The following PPP2R2C variants were observed in gnomAD, a reference collection of about 807,000 sequenced individuals.
PPP2R2C encodes the protein protein phosphatase 2 regulatory subunit Bgamma, also known as protein phosphatase 2, regulatory subunit B, gamma.
In PPP2R2C, 10 loss-of-function variants were observed where a neutral mutation model predicts 45.3. That is an observed-to-expected ratio of 0.22 (90% CI 0.14 to 0.37). PPP2R2C has a LOEUF of 0.37. PPP2R2C is among the 10% of genes least tolerant of loss of function. The probability of loss-of-function intolerance (pLI) is 1.00; values close to 1 mark genes in which losing one functional copy is unlikely to be tolerated. For synonymous variants in PPP2R2C, 257 were observed against 245.4 expected, an observed-to-expected ratio of 1.05 and a Z score of -0.44; for missense variants, 308 against 619.7, an observed-to-expected ratio of 0.50 and a Z score of 5.34.
chr4:6,525,711 G>C (rs1286628281), intron 2 of PPP2R2C, among the ~76,000 whole-genome samples: 2 of 151,968 alleles, frequency 1.3e-5, no homozygotes, highest in Non-Finnish European at 2.9e-5. Context: ...GTCCTTTTTG[G>C]GGGGATGGGG....
chr4:6,382,279 C>A (rs943697590), intron 1 of PPP2R2C: 19 of 1,252,268 alleles, frequency 1.5e-5, no homozygotes, highest in Non-Finnish European at 2.0e-5. Context: ...TCGTTCTTTG[C>A]TCTCCTGGCC....
At chr4:6,394,466 G>A (rs1716880287) in intron 1 of PPP2R2C, among the ~76,000 whole-genome samples, 1 of 152,242 alleles carries the variant, frequency 6.6e-6, no homozygotes, top group Non-Finnish European at 1.5e-5. Context: ...GACAGAGAGA[G>A]GAAAAGGGTT....
At chr4:6,337,638 C>G (rs938747791) in intron 6 of PPP2R2C, among the ~76,000 whole-genome samples, 15 of 152,298 alleles carry the variant, frequency 9.8e-5, no homozygotes, top group Non-Finnish European at 2.1e-4. Context: ...CGGGTGGATT[C>G]AGCCAGAATC....
chr4:6,404,075 G>A (rs1717627632), intron 1 of PPP2R2C, among the ~76,000 whole-genome samples: 1 of 152,224 alleles, frequency 6.6e-6, no homozygotes, highest in Admixed American at 6.5e-5. Flanking sequence ...TCATGCTGAG[G>A]TGCTCAGCAT....
At chr4:6,489,582 T>TACTTCTTCA (rs1334824289) in intron 2 of PPP2R2C, among the ~76,000 whole-genome samples, 5 of 152,216 alleles carry the variant, frequency 3.3e-5, no homozygotes, top group African/African-American at 4.8e-5. Context: ...TCTTTGAAAA[T>TACTTCTTCA]ACTTCTTCAA....
intron 5 of PPP2R2C, chr4:6,348,888 G>T: frequency 1.3e-6 from 1 of 753,078 alleles, no homozygotes; most frequent in Non-Finnish European, 1.6e-6. Flanking sequence ...TTTGTTTAGA[G>T]TCAAGAACTT....
chr4:6,339,566 C>G (rs1016042470), intron 6 of PPP2R2C, among the ~76,000 whole-genome samples: 3 of 152,240 alleles, frequency 2.0e-5, no homozygotes, highest in Non-Finnish European at 2.9e-5. Flanking sequence ...AGTGTGTGGA[C>G]GACACTCCTC....
intron 5 of PPP2R2C, among the ~76,000 whole-genome samples, chr4:6,357,631 C>T (rs1226588387): frequency 6.6e-6 from 1 of 152,098 alleles, no homozygotes; most frequent in African/African-American, 2.4e-5. Context: ...CACACAGGCC[C>T]AGGTTCAATG....
rs377346884 is a variant in PPP2R2C, at chr4:6,372,319, C to T, written c.625+204G>A. Among the ~76,000 whole-genome samples, 13 of 152,342 alleles carry T rather than the reference C, an allele frequency of 8.5e-5. 1 individual carries two copies. The South Asian group carries it at 1.2e-3, about 15-fold the overall frequency. On this transcript the variant is annotated intron_variant, in intron 5 of 8. Transcript: ENST00000382599. The stretch of plus-strand genomic sequence containing the variant: ...CGATGGGTGCAATGCTCAGCAACCA[C>T]GACTTTGCGGTTTTCAGAAACAGAC...
intron 2 of PPP2R2C, among the ~76,000 whole-genome samples, chr4:6,533,521 T>C (rs4689474): frequency 0.92 from 140,255 of 152,234 alleles, 65,736 homozygotes; most frequent in East Asian, 1. Context: ...CATCCAGGGC[T>C]CAGCACCCCA....
chr4:6,422,367 C>T (rs1365368512), intron 1 of PPP2R2C, among the ~76,000 whole-genome samples: 2 of 152,212 alleles, frequency 1.3e-5, no homozygotes, highest in South Asian at 4.1e-4. Context: ...CCTGTGGCTC[C>T]GGCAAACGAG....
At chr4:6,512,536 ATGG>A (rs1421091606) in intron 2 of PPP2R2C, among the ~76,000 whole-genome samples, 133 of 17,420 alleles carry the variant, frequency 7.6e-3, no homozygotes, top group African/African-American at 0.024. Flanking sequence ...GGTGATGGTG[ATGG>A]TGGTGATGGT....
intron 8 of PPP2R2C, among the ~76,000 whole-genome samples, chr4:6,326,129 G>A (rs1444527838): frequency 6.6e-6 from 1 of 152,232 alleles, no homozygotes; most frequent in East Asian, 1.9e-4. Context: ...CCCACACAGA[G>A]CCAATCAGAT....
intron 5 of PPP2R2C, among the ~76,000 whole-genome samples, chr4:6,372,299 G>T (rs1032657538): frequency 2.0e-5 from 3 of 152,214 alleles, no homozygotes. Flanking sequence ...GGAGGCGATG[G>T]GTGCAATGCT....
chr4:6,488,696 T>C (rs2108783827), intron 2 of PPP2R2C, among the ~76,000 whole-genome samples: 1 of 152,076 alleles, frequency 6.6e-6, no homozygotes, highest in Middle Eastern at 3.4e-3. Flanking sequence ...AAAACAAAAA[T>C]GAAACAGTTT....
At chr4:6,493,358 TG>T (rs954468966) in intron 2 of PPP2R2C, among the ~76,000 whole-genome samples, 1 of 150,978 alleles carries the variant, frequency 6.6e-6, no homozygotes, top group Non-Finnish European at 1.5e-5. Context: ...GGAGCTGGGG[TG>T]GGGGGCGTGT....
intron 1 of PPP2R2C, among the ~76,000 whole-genome samples, chr4:6,536,696 T>A (rs188516785): frequency 3.7e-4 from 56 of 152,350 alleles, no homozygotes; most frequent in African/African-American, 1.3e-3. Flanking sequence ...GGCTTCTCAA[T>A]GCACAGGCCC....
rs564834186 is a variant in PPP2R2C, at chr4:6,435,673, G to A, written c.70+36487C>T. Among the ~76,000 whole-genome samples the A allele has an allele frequency of 4.6e-5, 7 of 152,334 alleles. No homozygotes were observed. The East Asian group carries it at 1.3e-3, about 29-fold the overall frequency. On this transcript the variant is annotated intron_variant, in intron 1 of 8. Transcript: ENST00000382599. ...GTCCAAAAGAGTAATCTAGTTCTTA[G>A]AAAACAGGCTTGTGAGTGAGAGTCA...
At chr4:6,454,256 T>TCTAC (rs1720895036) in intron 1 of PPP2R2C, among the ~76,000 whole-genome samples, 1 of 152,152 alleles carries the variant, frequency 6.6e-6, no homozygotes, top group Non-Finnish European at 1.5e-5. Flanking sequence ...CATCTGCTTT[T>TCTAC]CTACCATGTA....
Sources: allele counts gnomAD v4.1 joint callset (sites outside exome capture counted in the v4.1 genomes callset), GRCh38; gene constraint gnomAD v4.1.1; transcripts MANE v1.5; gene names NCBI Gene and HGNC (gene_info 2026-07-23, HGNC 2026-07-21).